Variants in ZNF148 observed in about 807,000 individuals in gnomAD.
ZNF148 encodes Beta-Enolase Repressor Factor-1.
In ZNF148, 7 loss-of-function variants were observed where a neutral mutation model predicts 67.7. The observed-to-expected ratio is 0.10, with a 90% CI of 0.06 to 0.19. The LOEUF is 0.19. ZNF148 is among the 10% of genes least tolerant of loss of function. The probability of loss-of-function intolerance (pLI) is 1.00; values close to 1 mark genes in which losing one functional copy is unlikely to be tolerated. For missense variants in ZNF148, 583 were observed against 947.1 expected, an observed-to-expected ratio of 0.62 and a Z score of 5.05; for synonymous variants, 333 against 330.7, an observed-to-expected ratio of 1.01 and a Z score of -0.08.
intron 1 of ZNF148, among the ~76,000 whole-genome samples, chr3:125,343,893 A>G (rs1391645160): frequency 2.0e-5 from 3 of 152,158 alleles, no homozygotes; most frequent in Non-Finnish European, 1.5e-5. Flanking sequence ...CTCCGGACAC[A>G]CCAACAATAA....
intron 4 of ZNF148, chr3:125,311,437 C>G (rs1940206070): frequency 6.6e-6 from 1 of 152,140 alleles, no homozygotes; most frequent in Admixed American, 6.5e-5. Context: ...GGTAAAACTT[C>G]TGTAATCTTA....
intron 4 of ZNF148, among the ~76,000 whole-genome samples, chr3:125,305,321 A>G (rs1939814193): frequency 6.6e-6 from 1 of 152,252 alleles, no homozygotes; most frequent in African/African-American, 2.4e-5. Context: ...ACATTCTACT[A>G]AATAAATGTA....
At chr3:125,374,015 G>C (rs905482899) in intron 1 of ZNF148, among the ~76,000 whole-genome samples, 1 of 152,294 alleles carries the variant, frequency 6.6e-6, no homozygotes. Flanking sequence ...TGCCAGGATA[G>C]TATTTACCCA....
chr3:125,237,006 C>G (rs945130737), intron 7 of ZNF148, among the ~76,000 whole-genome samples: 1 of 152,070 alleles, frequency 6.6e-6, no homozygotes, highest in Admixed American at 6.6e-5. Flanking sequence ...GAGAGAAAGT[C>G]ACTTATAAAG....
chr3:125,261,477 T>C (rs1472576144), intron 7 of ZNF148, among the ~76,000 whole-genome samples: 11 of 152,114 alleles, frequency 7.2e-5, no homozygotes, highest in Admixed American at 7.2e-4. Flanking sequence ...AGGGTATGAA[T>C]GTAAGCAAGG....
intron 7 of ZNF148, among the ~76,000 whole-genome samples, chr3:125,252,623 C>T (rs1936889880): frequency 6.6e-6 from 1 of 152,034 alleles, no homozygotes; most frequent in Admixed American, 6.6e-5. Context: ...CAAAAATTAG[C>T]TGGGGGTGGT....
chr3:125,324,026 T>C (rs1478152244), intron 2 of ZNF148, among the ~76,000 whole-genome samples: 1 of 150,844 alleles, frequency 6.6e-6, no homozygotes, highest in African/African-American at 2.4e-5. Flanking sequence ...AGATACAGGA[T>C]ATTCAAGGAA....
chr3:125,309,263 C>CA (rs949493081), intron 4 of ZNF148, among the ~76,000 whole-genome samples: 7 of 151,694 alleles, frequency 4.6e-5, no homozygotes, highest in African/African-American at 1.2e-4. Flanking sequence ...TATTTTCACT[C>CA]AAAAAAAATC....
chr3:125,226,479 T>C lies in ZNF148; in HGVS notation c.*5862A>G, dbSNP rs1935641502. The C allele has an allele frequency of 1.3e-5, 2 of 152,618 alleles. No homozygotes were observed. Among genetic ancestry groups the C allele is most frequent in the African/African-American group, 4.8e-5 (2 of 41,444 alleles). The allele number at this position is 152,618 out of a possible 1,614,324, so 9.5% of individuals were successfully genotyped here. On this transcript the variant is annotated 3_prime_UTR_variant, in exon 9 of 9. Coordinates refer to ENST00000360647, the MANE Select transcript of ZNF148 (RefSeq NM_021964.3). ...TTAAAGTAAAGCAAAACAACTTCCT[T>C]TAGTATCACAATACATAAAATGGTT...
At chr3:125,371,372 A>AGGGGGGGGGG (rs59807253) in intron 1 of ZNF148, among the ~76,000 whole-genome samples, 1 of 65,368 alleles carries the variant, frequency 1.5e-5, no homozygotes, top group African/African-American at 6.6e-5. Context: ...AAAAAAAAAA[A>AGGGGGGGGGG]GGGGGGGGGG....
intron 3 of ZNF148, among the ~76,000 whole-genome samples, chr3:125,318,023 A>G (rs1051056170): frequency 1.3e-5 from 2 of 152,044 alleles, no homozygotes; most frequent in African/African-American, 4.8e-5. Flanking sequence ...AGGCCCATGG[A>G]AAAAGGGAAT....
At chr3:125,295,228 G>T (rs944091666) in intron 4 of ZNF148, among the ~76,000 whole-genome samples, 6 of 152,100 alleles carry the variant, frequency 3.9e-5, no homozygotes, top group Non-Finnish European at 8.8e-5. Context: ...GGCCGAGGTG[G>T]GTGGATCACG....
intron 4 of ZNF148, among the ~76,000 whole-genome samples, chr3:125,297,308 T>C (rs1939337287): frequency 6.6e-6 from 1 of 152,152 alleles, no homozygotes; most frequent in African/African-American, 2.4e-5. Context: ...AGTGGATTAC[T>C]GATCTAAATG....
chr3:125,245,686 T>A (rs189759513), intron 7 of ZNF148, among the ~76,000 whole-genome samples: 3 of 152,308 alleles, frequency 2.0e-5, no homozygotes, highest in East Asian at 3.9e-4. Context: ...ACCTATCAAA[T>A]CTGTTCACTT....
At chr3:125,282,215 C>T (rs1475298891) in intron 5 of ZNF148, among the ~76,000 whole-genome samples, 4 of 152,096 alleles carry the variant, frequency 2.6e-5, no homozygotes, top group African/African-American at 9.7e-5. Flanking sequence ...AATTTTCTTC[C>T]CCGGTATAGA....
chr3:125,274,044 G>A (rs1252373085), intron 7 of ZNF148, among the ~76,000 whole-genome samples: 2 of 152,146 alleles, frequency 1.3e-5, no homozygotes. Context: ...CTCACGGGGT[G>A]AGAAGAAAAT....
intron 1 of ZNF148, chr3:125,356,900 T>C (rs1225037008): frequency 6.6e-6 from 1 of 152,240 alleles, no homozygotes; most frequent in East Asian, 1.9e-4. Context: ...GGTTTTTTAA[T>C]ATAAGGATAC....
At chr3:125,284,968 T>A (rs1214247933) in intron 5 of ZNF148, among the ~76,000 whole-genome samples, 1 of 149,010 alleles carries the variant, frequency 6.7e-6, no homozygotes, top group Non-Finnish European at 1.5e-5. Flanking sequence ...CAGAAGGCAA[T>A]TATTGCTTAA....
chr3:125,356,290 C>T (rs1942339913), intron 1 of ZNF148, among the ~76,000 whole-genome samples: 2 of 152,208 alleles, frequency 1.3e-5, no homozygotes, highest in East Asian at 1.9e-4. Flanking sequence ...TTTCCTTAGT[C>T]TATTCTGGGA....
Sources: gnomAD v4.1 joint callset for allele counts (sites outside exome capture counted in the v4.1 genomes callset) on GRCh38, gnomAD v4.1.1 for gene constraint, MANE v1.5 for transcripts, NCBI Gene and HGNC (gene_info 2026-07-23, HGNC 2026-07-21) for gene names.